BRD4: variants seen among roughly 807,000 people sequenced by gnomAD.
BRD4 encodes bromodomain containing 4, also known as bromodomain-containing protein 4.
Under a neutral mutation model 142.1 loss-of-function variants are expected in BRD4, and 16 were observed. The ratio of observed to expected loss-of-function variants is 0.11; its 90% CI spans 0.08 to 0.17. BRD4 has a LOEUF of 0.17. Ranked by LOEUF, BRD4 falls within the 10% of genes least tolerant of loss-of-function variation. The pLI, the probability that BRD4 is intolerant of heterozygous loss-of-function variation, is 1.00. For missense variants in BRD4, 1,424 were observed against 1,810.9 expected, an observed-to-expected ratio of 0.79 and a Z score of 3.88; for synonymous variants, 833 against 707.5, an observed-to-expected ratio of 1.18 and a Z score of -2.82.
intron 11 of BRD4, chr19:15,248,154 G>A (rs2047307991): frequency 9.1e-6 from 2 of 218,792 alleles, no homozygotes; most frequent in Admixed American, 1.2e-4. Context: ...TTCATGTCAG[G>A]CAGTTTTCTG....
chr19:15,253,775 T>C, intron 11 of BRD4: 1 of 1,597,334 alleles, frequency 6.3e-7, no homozygotes, highest in East Asian at 2.2e-5. Flanking sequence ...TCTCCACTGG[T>C]GCAGAAAGCT....
intron 6 of BRD4, chr19:15,264,009 A>G (rs1436212781): frequency 4.2e-6 from 1 of 238,176 alleles, no homozygotes; most frequent in African/African-American, 2.2e-5. Context: ...CGGCACTTAC[A>G]GCGTGCCTCC....
intron 1 of BRD4, among the ~76,000 whole-genome samples, chr19:15,319,134 A>G (rs2048040486): frequency 6.6e-6 from 1 of 152,158 alleles, no homozygotes; most frequent in Non-Finnish European, 1.5e-5. Context: ...TCAGGAGTTC[A>G]AGACCAGCCT....
Position 15,256,947 on chromosome 19 carries a change from G to A in BRD4, c.1551+17C>T. 4 of 1,545,168 alleles carry A rather than the reference G, an allele frequency of 2.6e-6. No individual in the cohort carries two copies. The highest frequency in any genetic ancestry group is 2.4e-5 in the South Asian group (2 of 83,480). On this transcript the variant is annotated intron_variant, in intron 8 of 19. Transcript: ENST00000679869. The stretch of plus-strand genomic sequence containing the variant: ...ACGGACTCTGGGGATTAAGAATGGA[G>A]CCACCAATGCCCTCACCTGCTCCTG...
Position 15,272,976 on chromosome 19 carries a change from T to C in BRD4, c.124A>G (p.Ser42Gly). The change falls in exon 2 of 20, where the codon AGC becomes GGC. Residue 42 changes from serine (S) to glycine (G), a missense_variant. Physicochemically the swap from Ser to Gly is moderately conservative, Grantham distance 56. This residue lies in a region of BRD4 where 70 missense variants were observed against 69.8 expected (regional missense o/e 1.00). Transcript: ENST00000679869. ...QAQPQPANAA[S>G]TNPPPPETSN... is the part of the protein sequence containing the mutation. ...GTCTCTGGGGGCGGGGGGTTGGTGCTGGCTGCGTTGGCTGGCTGGGGTTGG... is the reference window on the plus strand; with the variant it reads ...GTCTCTGGGGGCGGGGGGTTGGTGCCGGCTGCGTTGGCTGGCTGGGGTTGG... 1 of 1,614,168 alleles carries C rather than the reference T, an allele frequency of 6.2e-7. No homozygotes were observed. Among genetic ancestry groups the C allele is most frequent in the Non-Finnish European group, 8.5e-7 (1 of 1,180,018 alleles).
At position 15,323,177 on chromosome 19, in the gene BRD4, T is replaced by TAAAA. The variant is rs1568412782; in HGVS notation, c.-35+9112_-35+9113insTTTT. ...AGCAACACAGCAAGACTCCATCTCT[T>TAAAA]TAAAAAAAAAAAAAAAAAAAAAAAA... On this transcript the variant is annotated intron_variant, in intron 1 of 19. Coordinates refer to ENST00000679869, the MANE Select transcript of BRD4 (RefSeq NM_001379291.1). 1.9e-3 allele frequency among the ~76,000 whole-genome samples: 62 copies of TAAAA among 32,250 alleles called. 1 individual carries two copies. The highest frequency in any genetic ancestry group is 0.018 in the Middle Eastern group (1 of 56). The allele number at this position is 32,250 out of a possible 152,430, so 21.2% of individuals were successfully genotyped here.
At chr19:15,313,537 G>A (rs541301807) in intron 1 of BRD4, among the ~76,000 whole-genome samples, 10 of 152,026 alleles carry the variant, frequency 6.6e-5, no homozygotes, top group Admixed American at 4.6e-4. Flanking sequence ...TTTGCCGGGC[G>A]TGGTGGTGGG....
At chr19:15,291,311 C>T (rs2047780465) in intron 1 of BRD4, among the ~76,000 whole-genome samples, 3 of 152,318 alleles carry the variant, frequency 2.0e-5, no homozygotes, top group South Asian at 4.1e-4. Flanking sequence ...GGAGTTCTGA[C>T]TCATCCTACT....
intron 1 of BRD4, among the ~76,000 whole-genome samples, chr19:15,296,366 A>G (rs1001470255): frequency 2.0e-5 from 3 of 152,234 alleles, no homozygotes; most frequent in Admixed American, 2.0e-4. Flanking sequence ...AAGCAACCAC[A>G]GCATCTACCA....
chr19:15,331,256 G>A (rs1050783542), intron 1 of BRD4, among the ~76,000 whole-genome samples: 4 of 152,200 alleles, frequency 2.6e-5, no homozygotes, highest in African/African-American at 9.7e-5. Context: ...TATTTACACC[G>A]TCCACTACAA....
chr19:15,302,992 A>C (rs1444377292), intron 1 of BRD4, among the ~76,000 whole-genome samples: 4 of 144,816 alleles, frequency 2.8e-5, no homozygotes, highest in Middle Eastern at 3.2e-3. Context: ...TGGGCCACAG[A>C]GCGAGACTCC....
chr19:15,262,851 T>G (rs2047488541), intron 7 of BRD4, among the ~76,000 whole-genome samples: 1 of 152,222 alleles, frequency 6.6e-6, no homozygotes, highest in Non-Finnish European at 1.5e-5. Context: ...GTATTTTTCC[T>G]TTTTTAAAAA....
intron 2 of BRD4, among the ~76,000 whole-genome samples, chr19:15,271,678 C>T (rs987895292): frequency 5.3e-5 from 8 of 152,222 alleles, no homozygotes; most frequent in African/African-American, 1.9e-4. Context: ...CAGGCCAACA[C>T]AGCTGACTGC....
At chr19:15,294,296 G>C (rs1381591635) in intron 1 of BRD4, among the ~76,000 whole-genome samples, 1 of 152,268 alleles carries the variant, frequency 6.6e-6, no homozygotes, top group African/African-American at 2.4e-5. Flanking sequence ...TCACAGCAGA[G>C]GAGAGAGACT....
intron 11 of BRD4, chr19:15,244,984 T>G: frequency 1.2e-6 from 1 of 833,642 alleles, no homozygotes; most frequent in Non-Finnish European, 1.8e-6. Context: ...TAGCAGGGAC[T>G]GTGCCTGAAA....
chr19:15,238,051 T>TAG lies in BRD4; in HGVS notation c.*324_*325dup, dbSNP rs986948585. 1.7e-4 allele frequency: 68 copies of TAG among 408,100 alleles called. No homozygotes were observed. The highest frequency in any genetic ancestry group is 2.4e-4 in the Admixed American group (6 of 25,012). 25.3% of individuals were successfully genotyped at this position (408,100 alleles called of 1,614,324 possible). A position where few individuals can be genotyped will look rare whatever the true frequency, so the allele number is the denominator to read the frequency against. On this transcript the variant is annotated 3_prime_UTR_variant, in exon 20 of 20. Transcript: ENST00000679869. This position sits in a 1 kb window ranked among gnomAD's most constrained non-coding sequence, Gnocchi z 7.2. ...GCAACGATGTCCTGTGTATACTGTG[T>TAG]AGACATTTGGCGGAGAGAAGGGCCT...
intron 1 of BRD4, among the ~76,000 whole-genome samples, chr19:15,286,996 T>TAG (rs2047744791): frequency 6.6e-6 from 1 of 152,210 alleles, no homozygotes; most frequent in Non-Finnish European, 1.5e-5. Context: ...TCAGGCTGGT[T>TAG]AGACCCCAGT....
chr19:15,265,306 C>T, intron 5 of BRD4, 48 bp downstream of exon 5: 1 of 1,445,932 alleles, frequency 6.9e-7, no homozygotes, highest in Non-Finnish European at 9.1e-7. Context: ...AAGGACAGGG[C>T]CGCTCTCCTC....
chr19:15,285,458 G>A (rs2047732717), intron 1 of BRD4, among the ~76,000 whole-genome samples: 1 of 152,108 alleles, frequency 6.6e-6, no homozygotes, highest in South Asian at 2.1e-4. Flanking sequence ...CCAGCTACTT[G>A]GGAGGCCAAG....
Sources: gnomAD v4.1 joint callset for allele counts (sites outside exome capture counted in the v4.1 genomes callset) on GRCh38, gnomAD v4.1.1 for gene constraint, gnomAD v4.1.1 regional missense constraint, Gnocchi (gnomAD v3.1) non-coding constraint, MANE v1.5 for transcripts, NCBI Gene and HGNC (gene_info 2026-07-23, HGNC 2026-07-21) for gene names.